TOP1: variants seen among roughly 807,000 people sequenced by gnomAD.
TOP1 encodes DNA topoisomerase I.
In TOP1, 10 loss-of-function variants were observed where a neutral mutation model predicts 111.1. That is an observed-to-expected ratio of 0.09 (90% CI 0.06 to 0.15). The LOEUF is 0.15. Among genes scored for constraint, TOP1 ranks in the 10% least tolerant of loss-of-function variants. TOP1 has a pLI of 1.00. For synonymous variants in TOP1, 271 were observed against 302.9 expected (o/e 0.89, Z 1.10); for missense variants, 474 against 926.7 (o/e 0.51, Z 6.34).
intron 2 of TOP1, among the ~76,000 whole-genome samples, chr20:41,040,404 G>A (rs2033246948): frequency 6.6e-6 from 1 of 152,222 alleles, no homozygotes; most frequent in Non-Finnish European, 1.5e-5. Context: ...TGAAGAAACA[G>A]TAGCTTCTTA....
At chr20:41,113,913 T>G in intron 14 of TOP1, 57 bp from the exon 15 acceptor site, 1 of 1,307,406 alleles carries the variant, frequency 7.6e-7, no homozygotes, top group East Asian at 2.4e-5. Context: ...AGAACGAAAT[T>G]GTGTAAGGAT....
chr20:41,088,490 G>A (rs756817366), intron 8 of TOP1, among the ~76,000 whole-genome samples: 1 of 152,240 alleles, frequency 6.6e-6, no homozygotes, highest in South Asian at 2.1e-4. Context: ...GCGACAGAGC[G>A]AGACTCTGTC....
At position 41,053,217 on chromosome 20, in the gene TOP1, T is replaced by C. The variant is rs368672836; in HGVS notation, c.59-8177T>C. Reference sequence around the variant, plus strand: ...TCATTTCTTGCTGCAGCGTAGCACATCCACCAAGAATGCCCTTTCACCTTC... The same window carrying C: ...TCATTTCTTGCTGCAGCGTAGCACACCCACCAAGAATGCCCTTTCACCTTC... On this transcript the variant is annotated intron_variant, in intron 2 of 20. Coordinates refer to ENST00000361337, the MANE Select transcript of TOP1 (RefSeq NM_003286.4). 2.4e-4 allele frequency among the ~76,000 whole-genome samples: 36 copies of C among 152,296 alleles called. 1 individual carries two copies. In the South Asian group the frequency reaches 6.6e-3, roughly 28 times the overall value.
Position 41,106,259 on chromosome 20 carries a change from A to G in TOP1, c.1308+4906A>G, listed in dbSNP as rs906345419. Among the ~76,000 whole-genome samples, 4 of 152,198 alleles carry G rather than the reference A, an allele frequency of 2.6e-5. No homozygotes were observed. The highest frequency in any genetic ancestry group is 7.2e-5 in the African/African-American group (3 of 41,444). On this transcript the variant is annotated intron_variant, in intron 13 of 20. Transcript: ENST00000361337. This position sits in a 1 kb window ranked among gnomAD's most constrained non-coding sequence, Gnocchi z 4.3. ...GTGTATCTGTTTCTGCATCAGTAGCATACTGTCTTAACTACTGTAGCTTTA... is the reference window on the plus strand; with the variant it reads ...GTGTATCTGTTTCTGCATCAGTAGCGTACTGTCTTAACTACTGTAGCTTTA...
At position 41,121,658 on chromosome 20, in the gene TOP1, TC is replaced by T. The variant is rs1322525966; in HGVS notation, c.1951-37del. ...CCTTCTCAGGTGGAGCCATTTTTCC[TC>T]TACAGCTCATAACCTTACCACTATT... On this transcript the variant is annotated intron_variant, in intron 18 of 20. Transcript: ENST00000361337. The surrounding 1 kb of genome is among the most constrained non-coding windows in gnomAD (Gnocchi z 4.2). 3 of 1,557,690 alleles carry T rather than the reference TC, an allele frequency of 1.9e-6. No individual in the cohort carries two copies. In the African/African-American group the frequency reaches 4.1e-5, roughly 21 times the overall value.
In TOP1 at chr20:41,112,959, T is replaced by C; in HGVS notation, c.1452+34T>C. On this transcript the variant is annotated intron_variant, in intron 14 of 20. Coordinates refer to ENST00000361337, the MANE Select transcript of TOP1 (RefSeq NM_003286.4). This position sits in a 1 kb window ranked among gnomAD's most constrained non-coding sequence, Gnocchi z 5.8. ...ATCTTCCCATCGGCATTGTCTAGTG[T>C]TGAGCTTAACAAAGGGAGTTTCTGC... The C allele has an allele frequency of 1.2e-6, 2 of 1,604,046 alleles. No homozygotes were observed. The highest frequency in any genetic ancestry group is 1.1e-5 in the South Asian group (1 of 89,874).
At chr20:41,084,071 G>A (rs972730233) in intron 7 of TOP1, among the ~76,000 whole-genome samples, 14 of 151,986 alleles carry the variant, frequency 9.2e-5, no homozygotes, top group African/African-American at 3.1e-4. Flanking sequence ...GCAAAGCCCC[G>A]TCTAGCCGTT....
rs1035670825 is a variant in TOP1, at chr20:41,029,431, A to G, written c.34A>G (p.Ile12Val). The G allele has an allele frequency of 2.4e-5, 35 of 1,488,886 alleles. No homozygotes were observed. The highest frequency in any genetic ancestry group is 3.1e-5 in the Non-Finnish European group (35 of 1,117,824). The allele number at this position is 1,488,886 out of a possible 1,614,324, so 92.2% of individuals were successfully genotyped here. A position where few individuals can be genotyped will look rare whatever the true frequency, so the allele number is the denominator to read the frequency against. Residue 12 changes from isoleucine (I) to valine (V), a missense_variant and splice_region_variant, in exon 2 of 21, where the codon ATC becomes GTC. By Grantham distance (29) the Ile-to-Val change is conservative (BLOSUM62 3). Transcript: ENST00000361337. This position sits in a 1 kb window ranked among gnomAD's most constrained non-coding sequence, Gnocchi z 6.1. The stretch of plus-strand genomic sequence containing the variant: ...ATATTCTCTCCTTTTCTTTTTCCAG[A>G]TCGAAGCGGATTTCCGATTGAATGG... ...SGDHLHNDSQIEADFRLNDSH... is the reference protein window; with the variant it reads ...SGDHLHNDSQVEADFRLNDSH...
chr20:41,098,137 G>A lies in TOP1; in HGVS notation c.853-78G>A, dbSNP rs2034008068. 6 of 1,470,856 alleles carry A rather than the reference G, an allele frequency of 4.1e-6. No homozygotes were observed. Among genetic ancestry groups the A allele is most frequent in the Middle Eastern group, 1.7e-4 (1 of 5,792 alleles). 91.1% of individuals were successfully genotyped at this position (1,470,856 alleles called of 1,614,324 possible). ...TTGACTGAAAAAATGGTGCTTGGGTGTATTTGCAAAGAAACCCAAGGACTT... is the reference window on the plus strand; with the variant it reads ...TTGACTGAAAAAATGGTGCTTGGGTATATTTGCAAAGAAACCCAAGGACTT... On this transcript the variant is annotated intron_variant, in intron 10 of 20. Transcript: ENST00000361337. This position sits in a 1 kb window ranked among gnomAD's most constrained non-coding sequence, Gnocchi z 5.7.
At position 41,067,869 on chromosome 20, in the gene TOP1, C is replaced by A. The variant is rs1009585557; in HGVS notation, c.155+6379C>A. 4.6e-4 allele frequency among the ~76,000 whole-genome samples: 70 copies of A among 152,160 alleles called. No individual in the cohort carries two copies. Among genetic ancestry groups the A allele is most frequent in the African/African-American group, 1.4e-3 (58 of 41,440 alleles). On this transcript the variant is annotated intron_variant, in intron 3 of 20. Transcript: ENST00000361337. The surrounding 1 kb of genome is among the most constrained non-coding windows in gnomAD (Gnocchi z 4.0). ...ATCCCAGAAGATGCCATTTGGTTTC[C>A]TCTTTATTGTCCTCATGCAAGGTGC...
At chr20:41,073,396 AG>A in intron 3 of TOP1, 1 of 959,506 alleles carries the variant, frequency 1.0e-6, no homozygotes, top group Non-Finnish European at 1.2e-6. Context: ...AAAGAAAGAA[AG>A]AAAAGAAAAG....
rs2034367615 is a variant in TOP1 at position 41,118,386 on chromosome 20, G to T, written c.1950+90G>T. ...TCAGGGCTGAGATATCAGCAGGCCA[G>T]TGCTGGGTCTGTTGTAGAAGGTCTA... On this transcript the variant is annotated intron_variant, in intron 18 of 20. Transcript: ENST00000361337. This position sits in a 1 kb window ranked among gnomAD's most constrained non-coding sequence, Gnocchi z 4.6. The T allele has an allele frequency of 1.4e-6, 2 of 1,479,332 alleles. No individual in the cohort carries two copies. The highest frequency in any genetic ancestry group is 1.9e-6 in the Non-Finnish European group (2 of 1,077,066). The allele number at this position is 1,479,332 out of a possible 1,614,324, so 91.6% of individuals were successfully genotyped here.
At position 41,032,869 on chromosome 20, in the gene TOP1, G is replaced by GA. The variant is rs1278254896; in HGVS notation, c.58+3418dup. Among the ~76,000 whole-genome samples, 1 of 152,202 alleles carries GA rather than the reference G, an allele frequency of 6.6e-6. No individual in the cohort carries two copies. Among genetic ancestry groups the GA allele is most frequent in the African/African-American group, 2.4e-5 (1 of 41,444 alleles). ...CAGATAGCTGATGATGTGGCTATCT[G>GA]AAAATTGCCACTACATTTTTAAAAC... On this transcript the variant is annotated intron_variant, in intron 2 of 20. Transcript: ENST00000361337. The surrounding 1 kb of genome is among the most constrained non-coding windows in gnomAD (Gnocchi z 4.3).
rs1242776102 is a variant in TOP1, at chr20:41,029,167, G to T, written c.33+67G>T. 3 of 1,259,362 alleles carry T rather than the reference G, an allele frequency of 2.4e-6. No homozygotes were observed. Among genetic ancestry groups the T allele is most frequent in the East Asian group, 3.1e-5 (1 of 32,132 alleles). 78.0% of individuals were successfully genotyped at this position (1,259,362 alleles called of 1,614,324 possible). A position where few individuals can be genotyped will look rare whatever the true frequency, so the allele number is the denominator to read the frequency against. On this transcript the variant is annotated intron_variant, in intron 1 of 20. Coordinates refer to ENST00000361337, the MANE Select transcript of TOP1 (RefSeq NM_003286.4). This position sits in a 1 kb window ranked among gnomAD's most constrained non-coding sequence, Gnocchi z 6.1. The stretch of plus-strand genomic sequence containing the variant: ...GGCCGTCCCGCGACCCCCGGCGCAG[G>T]CCCCGACCCCAGCCCCGGCCCGGCA...
At chr20:41,072,516 C>G in intron 3 of TOP1, 4 of 985,468 alleles carry the variant, frequency 4.1e-6, no homozygotes, top group Non-Finnish European at 4.8e-6. Flanking sequence ...AATCCTGTTT[C>G]TGACTTTCCT....
rs1375236612 is a variant in TOP1 at position 41,112,119 on chromosome 20, A to G, written c.1309-663A>G. On this transcript the variant is annotated intron_variant, in intron 13 of 20. Transcript: ENST00000361337. This position sits in a 1 kb window ranked among gnomAD's most constrained non-coding sequence, Gnocchi z 5.8. ...TGCTTTTAAATGCAGAAGTTAGAAA[A>G]TGGTGAATAATTATGGCTGTTCCTG... 6.6e-6 allele frequency among the ~76,000 whole-genome samples: 1 copy of G among 152,204 alleles called. No individual in the cohort carries two copies. The highest frequency in any genetic ancestry group is 1.5e-5 in the Non-Finnish European group (1 of 68,030).
chr20:41,089,610 A>G (rs1483129602), intron 8 of TOP1, among the ~76,000 whole-genome samples: 1 of 152,210 alleles, frequency 6.6e-6, no homozygotes, highest in East Asian at 1.9e-4. Context: ...TGCTGCTGTG[A>G]AACATTCGTG....
chr20:41,114,885 C>T lies in TOP1; in HGVS notation c.1639-486C>T, dbSNP rs188570555. Among the ~76,000 whole-genome samples, 6 of 152,256 alleles carry T rather than the reference C, an allele frequency of 3.9e-5. No individual in the cohort carries two copies. Among genetic ancestry groups the T allele is most frequent in the Non-Finnish European group, 8.8e-5 (6 of 68,014 alleles). On this transcript the variant is annotated intron_variant, in intron 15 of 20. Coordinates refer to ENST00000361337, the MANE Select transcript of TOP1 (RefSeq NM_003286.4). This position sits in a 1 kb window ranked among gnomAD's most constrained non-coding sequence, Gnocchi z 4.5. ...AAAGACACCTCTTCTCATAAGGACA[C>T]CATAATCAGTAATCAGGTTTTGCTG...
Position 41,028,849 on chromosome 20 carries a change from C to T in TOP1, c.-219C>T, listed in dbSNP as rs2033073499. 4 of 542,396 alleles carry T rather than the reference C, an allele frequency of 7.4e-6. No individual in the cohort carries two copies. Among genetic ancestry groups the T allele is most frequent in the East Asian group, 7.0e-5 (2 of 28,696 alleles). 33.6% of individuals were successfully genotyped at this position (542,396 alleles called of 1,614,324 possible). Reference sequence around the variant, plus strand: ...AATGCGAACTTAGGCTGTTACACAACTGCTGGGGTCTGTTCTCGCCGCCCG... The same window carrying T: ...AATGCGAACTTAGGCTGTTACACAATTGCTGGGGTCTGTTCTCGCCGCCCG... On this transcript the variant is annotated 5_prime_UTR_variant, in exon 1 of 21. Transcript: ENST00000361337.
Sources: gnomAD v4.1 joint callset for allele counts (sites outside exome capture counted in the v4.1 genomes callset) on GRCh38, gnomAD v4.1.1 for gene constraint, Gnocchi (gnomAD v3.1) non-coding constraint, MANE v1.5 for transcripts, NCBI Gene and HGNC (gene_info 2026-07-23, HGNC 2026-07-21) for gene names.